Variants in RAB3GAP1 observed in about 807,000 individuals in gnomAD.
RAB3GAP1 encodes the protein RAB3 GTPase activating protein catalytic subunit 1.
Under a neutral mutation model 130.7 loss-of-function variants are expected in RAB3GAP1, and 86 were observed. The observed-to-expected ratio is 0.66, with a 90% CI of 0.55 to 0.79. The LOEUF is 0.79. Ranked by LOEUF, RAB3GAP1 falls within the 30% of genes least tolerant of loss-of-function variation. RAB3GAP1 has a pLI of 0.00. For missense variants in RAB3GAP1, 1,029 were observed against 1,169.4 expected, an observed-to-expected ratio of 0.88 and a Z score of 1.75; for synonymous variants, 367 against 401.7, an observed-to-expected ratio of 0.91 and a Z score of 1.03.
At position 135,153,560 on chromosome 2, in the gene RAB3GAP1, CT is replaced by C. The variant is rs1427189259; in HGVS notation, c.2062-82del. On this transcript the variant is annotated intron_variant, in intron 18 of 23. Transcript: ENST00000264158. ...TATTAGATTGTAAAGATTAGATAGGCTTTTTTTGAAAATACAATTTTGCAAA... is the reference window on the plus strand; with the variant it reads ...TATTAGATTGTAAAGATTAGATAGGCTTTTTTGAAAATACAATTTTGCAAA... 386 of 1,231,444 alleles carry C rather than the reference CT, an allele frequency of 3.1e-4. 1 individual carries two copies. The highest frequency in any genetic ancestry group is 2.6e-5 in the Non-Finnish European group (22 of 834,290). 76.3% of individuals were successfully genotyped at this position (1,231,444 alleles called of 1,614,324 possible).
chr2:135,149,679 A>T lies in RAB3GAP1; in HGVS notation c.1924-690A>T, dbSNP rs183999609. ...TAGAGCAATTTTTTTTTGGAGACAG[A>T]GTCTCGCTCTGTTGCCCAGGCTGGA... On this transcript the variant is annotated intron_variant, in intron 17 of 23. Transcript: ENST00000264158. Among the ~76,000 whole-genome samples, 251 of 152,188 alleles carry T rather than the reference A, an allele frequency of 1.6e-3. 3 individuals are homozygous for T. In the Middle Eastern group the frequency reaches 0.027, roughly 16 times the overall value.
At chr2:135,113,418 C>A in intron 6 of RAB3GAP1, 148 bp downstream of exon 6, 2 of 1,009,562 alleles carry the variant, frequency 2.0e-6, no homozygotes, top group East Asian at 2.6e-5. Context: ...TTGAGGTTAC[C>A]TCTGTATCCG....
intron 18 of RAB3GAP1, 114 bp from the exon 19 acceptor site, chr2:135,153,535 T>C (rs1692229230): frequency 3.3e-6 from 3 of 919,840 alleles, no homozygotes; most frequent in Non-Finnish European, 5.3e-6. Flanking sequence ...TCATTTTACA[T>C]ATTAGATTGT....
chr2:135,110,708 A>G (rs999710209), intron 5 of RAB3GAP1, among the ~76,000 whole-genome samples: 8 of 152,258 alleles, frequency 5.3e-5, no homozygotes, highest in Non-Finnish European at 1.0e-4. Context: ...TTATAGAGAT[A>G]TAGATGTAGA....
chr2:135,088,158 TC>T (rs1346647391), intron 3 of RAB3GAP1, among the ~76,000 whole-genome samples: 1 of 152,184 alleles, frequency 6.6e-6, no homozygotes, highest in Non-Finnish European at 1.5e-5. Context: ...TATCTCTGTA[TC>T]ATTTAAAAAG....
At chr2:135,129,130 C>T (rs1292389337) in intron 11 of RAB3GAP1, among the ~76,000 whole-genome samples, 10 of 151,980 alleles carry the variant, frequency 6.6e-5, no homozygotes, top group Admixed American at 2.0e-4. Flanking sequence ...CCAGCTTGGG[C>T]GACAGAGTAA....
rs780985039 is a variant in RAB3GAP1, at chr2:135,135,311, A to C, written c.1546A>C (p.Lys516Gln). The change falls in exon 16 of 24, where the codon AAA becomes CAA. Residue 516 changes from lysine (K) to glutamine (Q), a missense_variant. Around this residue, in one of 3 missense-constraint regions of RAB3GAP1, gnomAD observed 373 missense variants for 493.6 expected, o/e 0.76. Coordinates refer to ENST00000264158, the MANE Select transcript of RAB3GAP1 (RefSeq NM_012233.3). ...PDLRCCLLHQ[K>Q]LQMLNCCIER... The stretch of plus-strand genomic sequence containing the variant: ...TCTGAGGTGTTGTTTACTGCATCAG[A>C]AACTACAGGTAAAGATTTCTCAATG... The C allele has an allele frequency of 6.2e-7, 1 of 1,605,472 alleles. No individual in the cohort carries two copies. The highest frequency in any genetic ancestry group is 1.3e-5 in the African/African-American group (1 of 74,726).
At chr2:135,174,918 T>G (rs1692965333), downstream of RAB3GAP1, among the ~76,000 whole-genome samples, 1 of 152,214 alleles carries the variant, frequency 6.6e-6, no homozygotes, top group Non-Finnish European at 1.5e-5. Context: ...GAGGCTGGGT[T>G]GGGACGTGCC....
At chr2:135,066,255 A>C (rs1169326772) in intron 3 of RAB3GAP1, among the ~76,000 whole-genome samples, 2 of 152,116 alleles carry the variant, frequency 1.3e-5, no homozygotes, top group Admixed American at 1.3e-4. Context: ...GTTTTTGTCC[A>C]GATTTTATAG....
intron 3 of RAB3GAP1, among the ~76,000 whole-genome samples, chr2:135,060,718 T>C (rs367944348): frequency 6.6e-6 from 1 of 151,626 alleles, no homozygotes; most frequent in East Asian, 1.9e-4. Context: ...ATTATTATTA[T>C]TATTTGAGAC....
intron 3 of RAB3GAP1, among the ~76,000 whole-genome samples, chr2:135,063,781 C>T (rs1388269039): frequency 6.6e-6 from 1 of 152,126 alleles, no homozygotes; most frequent in East Asian, 1.9e-4. Flanking sequence ...CTGCTATGAA[C>T]GTGAATGTAC....
Position 135,168,743 on chromosome 2 carries a change from C to A in RAB3GAP1, c.2908C>A (p.Leu970Ile), listed in dbSNP as rs1380618506. The change falls in exon 24 of 24, where the codon CTT (leucine) becomes ATT (isoleucine). Residue 970 changes from leucine to isoleucine, a missense_variant. Physicochemically the swap from Leu to Ile is conservative, Grantham distance 5. Coordinates refer to ENST00000264158, the MANE Select transcript of RAB3GAP1 (RefSeq NM_012233.3). ...YSVLTKEDFR[L>I]AGAFSSDTSF... ...TGTTCTCACCAAAGAGGACTTTAGA[C>A]TTGCAGGTGCCTTTTCATCAGATAC... is the stretch of plus-strand genomic sequence containing the variant. 5.0e-6 allele frequency: 8 copies of A among 1,614,064 alleles called. No individual in the cohort carries two copies. The Admixed American group carries it at 1.3e-4, about 27-fold the overall frequency.
intron 3 of RAB3GAP1, among the ~76,000 whole-genome samples, chr2:135,081,303 T>G (rs1214245707): frequency 2.2e-5 from 1 of 44,830 alleles, no homozygotes; most frequent in African/African-American, 1.7e-4. Context: ...CAAGACTCCG[T>G]CTCAAAAAAA....
intron 5 of RAB3GAP1, among the ~76,000 whole-genome samples, chr2:135,112,277 G>A (rs990102774): frequency 2.0e-5 from 3 of 152,300 alleles, no homozygotes; most frequent in East Asian, 1.9e-4. Flanking sequence ...ACGGTAAACC[G>A]CAACACCGTC....
At chr2:135,167,889 A>T (rs1227457722) in intron 23 of RAB3GAP1, among the ~76,000 whole-genome samples, 1 of 152,122 alleles carries the variant, frequency 6.6e-6, no homozygotes, top group Non-Finnish European at 1.5e-5. Flanking sequence ...TTTTTCCCAA[A>T]TTGATGGTAT....
In RAB3GAP1 at chr2:135,104,699, AAAATAAAT is replaced by A. The variant is rs59733454; in HGVS notation, c.363-8420_363-8413del. Among the ~76,000 whole-genome samples the A allele has an allele frequency of 1.0e-3, 150 of 148,858 alleles. 2 individuals carry two copies. In the Middle Eastern group the frequency reaches 0.01, roughly 10 times the overall value. On this transcript the variant is annotated intron_variant, in intron 5 of 23. Coordinates refer to ENST00000264158, the MANE Select transcript of RAB3GAP1 (RefSeq NM_012233.3). The stretch of plus-strand genomic sequence containing the variant: ...GAAACCCTGTCTCTACTAAAAATAC[AAAATAAAT>A]AAATAAATAAATAAATAAATAAATA...
In RAB3GAP1 at chr2:135,170,465, T is replaced by C. The variant is rs1243573627; in HGVS notation, c.*1684T>C. On this transcript the variant is annotated 3_prime_UTR_variant, in exon 24 of 24. Coordinates refer to ENST00000264158, the MANE Select transcript of RAB3GAP1 (RefSeq NM_012233.3). Reference sequence around the variant, plus strand: ...TTTATTTTTATGATAGTTATGTATTTATTTCACAGATATATTTAAGTACCC... The same window carrying C: ...TTTATTTTTATGATAGTTATGTATTCATTTCACAGATATATTTAAGTACCC... 6.6e-6 allele frequency: 1 copy of C among 152,236 alleles called. No homozygotes were observed. The allele number at this position is 152,236 out of a possible 1,614,324, so 9.4% of individuals were successfully genotyped here. A position where few individuals can be genotyped will look rare whatever the true frequency, so the allele number is the denominator to read the frequency against.
chr2:135,056,131 C>T (rs113825060), intron 2 of RAB3GAP1, among the ~76,000 whole-genome samples: 6,983 of 151,900 alleles, frequency 0.046, 545 homozygotes, highest in African/African-American at 0.16. Flanking sequence ...CCACCACGCC[C>T]GGCCGACATA....
intron 3 of RAB3GAP1, among the ~76,000 whole-genome samples, chr2:135,085,928 A>G (rs1026087120): frequency 9.2e-5 from 14 of 152,162 alleles, no homozygotes; most frequent in Middle Eastern, 3.2e-3. Flanking sequence ...TTGTTTCTCA[A>G]TCCCAGAGGT....
Sources: allele counts gnomAD v4.1 joint callset (sites outside exome capture counted in the v4.1 genomes callset), GRCh38; gene constraint gnomAD v4.1.1; regional missense constraint gnomAD v4.1.1; transcripts MANE v1.5; gene names NCBI Gene and HGNC (gene_info 2026-07-23, HGNC 2026-07-21).